The following CUBN variants were observed in gnomAD, a reference collection of about 807,000 sequenced individuals.
CUBN encodes the protein 460 kDa receptor.
A neutral mutation model predicts 405.3 loss-of-function variants in CUBN; 282 were observed. The ratio of observed to expected loss-of-function variants is 0.70; its 90% CI spans 0.63 to 0.77. The LOEUF (loss-of-function observed/expected upper bound fraction) is 0.77, where lower values mean the gene tolerates loss of function less well. CUBN is among the 30% of genes least tolerant of loss of function. CUBN has a pLI of 0.00. For missense variants in CUBN, 4,514 were observed against 4,475.2 expected (o/e 1.01, Z -0.25); for synonymous variants, 1,684 against 1,617.0 (o/e 1.04, Z -0.99).
At chr10:17,089,159 T>C (rs1267384065) in intron 14 of CUBN, among the ~76,000 whole-genome samples, 1 of 152,190 alleles carries the variant, frequency 6.6e-6, no homozygotes, top group Non-Finnish European at 1.5e-5. Context: ...ATGTGTAAGA[T>C]ATGAAATTTA....
intron 33 of CUBN, 56 bp from the exon 34 acceptor site, chr10:16,950,167 G>T: frequency 7.9e-7 from 1 of 1,267,922 alleles, no homozygotes. Flanking sequence ...AAACATACAG[G>T]GAGATGGGGC....
chr10:16,842,663 T>A (rs1257991719), intron 60 of CUBN, among the ~76,000 whole-genome samples: 5 of 152,242 alleles, frequency 3.3e-5, no homozygotes, highest in Non-Finnish European at 7.3e-5. Context: ...CATAGTGTTC[T>A]CCACTGAACT....
intron 36 of CUBN, among the ~76,000 whole-genome samples, chr10:16,943,929 T>TA (rs906084950): frequency 1.3e-5 from 2 of 152,176 alleles, no homozygotes; most frequent in Non-Finnish European, 2.9e-5. Flanking sequence ...AATTAAACTA[T>TA]AAAAAAAGCT....
chr10:17,046,907 C>T (rs1285756193), intron 23 of CUBN, among the ~76,000 whole-genome samples: 1 of 152,108 alleles, frequency 6.6e-6, no homozygotes, highest in Non-Finnish European at 1.5e-5. Flanking sequence ...ACTTTTTAAA[C>T]ACATTCTTTC....
Position 17,084,327 on chromosome 10 carries a change from T to A in CUBN, c.2245A>T (p.Asn749Tyr). 1 of 1,614,110 alleles carries A rather than the reference T, an allele frequency of 6.2e-7. No homozygotes were observed. Residue 749 changes from asparagine to tyrosine, a missense_variant, in exon 17 of 67, where the codon AAC becomes TAC. By Grantham distance (143) the Asn-to-Tyr change is moderately radical (BLOSUM62 -2). This residue lies in a region of CUBN where 1,448 missense variants were observed against 1,388.0 expected (regional missense o/e 1.04). Transcript: ENST00000377833. ...CATTGCAGCTCCACGTGGGTGAAGT[T>A]GATTTGTATTTGTTCTCCCTGGGGC... ...KQPQGEQIQI[N>Y]FTHVELQCQS...
chr10:17,075,269 A>G (rs1287014595), intron 17 of CUBN, among the ~76,000 whole-genome samples: 2 of 151,556 alleles, frequency 1.3e-5, no homozygotes, highest in South Asian at 2.1e-4. Context: ...TTTTTAGTAG[A>G]GATGGGGTTT....
At chr10:16,829,973 TCA>T (rs1378821827) in intron 65 of CUBN, among the ~76,000 whole-genome samples, 2 of 151,612 alleles carry the variant, frequency 1.3e-5, no homozygotes, top group Non-Finnish European at 2.9e-5. Flanking sequence ...TCTTGCTCCG[TCA>T]CCCAGGCTGG....
chr10:16,970,576 C>A (rs1003873881), intron 31 of CUBN, among the ~76,000 whole-genome samples: 158 of 121,504 alleles, frequency 1.3e-3, no homozygotes, highest in East Asian at 1.2e-3. Context: ...AACTCCATCT[C>A]AAAAAAAAAA....
rs1319794733 is a variant in CUBN at position 17,123,611 on chromosome 10, A to G, written c.466T>C (p.Cys156Arg). The G allele has an allele frequency of 6.2e-7, 1 of 1,611,282 alleles. No homozygotes were observed. The highest frequency in any genetic ancestry group is 1.7e-5 in the Admixed American group (1 of 59,974). The change falls in exon 5 of 67, where the codon TGT (cysteine) becomes CGT (arginine). Residue 156 changes from cysteine (C) to arginine (R), a missense_variant. By Grantham distance (180) the Cys-to-Arg change is radical (BLOSUM62 -3). Transcript: ENST00000377833. ...ACCTTCCACTGTGGGGGACAGATAC[A>G]AAAAAAGGAATCATGCAGATTGAGG... ...TCLNLHDSFF[C>R]ICPPQWKGPL...
At chr10:16,921,667 G>A (rs1842037088) in intron 43 of CUBN, among the ~76,000 whole-genome samples, 1 of 152,052 alleles carries the variant, frequency 6.6e-6, no homozygotes, top group South Asian at 2.1e-4. Flanking sequence ...TCTTCCTCTG[G>A]CCCTTGGGCG....
At chr10:17,084,780 A>C (rs899851397) in intron 16 of CUBN, among the ~76,000 whole-genome samples, 1 of 152,256 alleles carries the variant, frequency 6.6e-6, no homozygotes, top group Non-Finnish European at 1.5e-5. Flanking sequence ...GTTATTAAAA[A>C]CATGTAACAA....
intron 59 of CUBN, among the ~76,000 whole-genome samples, chr10:16,868,468 A>G (rs555517720): frequency 3.9e-5 from 6 of 152,300 alleles, no homozygotes; most frequent in East Asian, 1.9e-4. Flanking sequence ...AGAGTATGAG[A>G]TTTGTTTGGA....
intron 27 of CUBN, among the ~76,000 whole-genome samples, chr10:17,038,835 C>G (rs1834954098): frequency 1.3e-5 from 2 of 152,150 alleles, no homozygotes; most frequent in African/African-American, 4.8e-5. Flanking sequence ...TTTGGAAGGC[C>G]TTTCTGAACT....
chr10:17,052,851 C>T (rs1835305370), intron 22 of CUBN, among the ~76,000 whole-genome samples: 1 of 145,986 alleles, frequency 6.8e-6, no homozygotes, highest in Non-Finnish European at 1.5e-5. Flanking sequence ...ATTTATAACA[C>T]AGAGAGAAGT....
chr10:16,951,123 T>C (rs1456096609), intron 33 of CUBN, among the ~76,000 whole-genome samples: 1 of 152,250 alleles, frequency 6.6e-6, no homozygotes, highest in Non-Finnish European at 1.5e-5. Context: ...ATCTTTCATC[T>C]AAATGCTTTA....
chr10:17,058,796 C>T (rs1835446437), intron 22 of CUBN, among the ~76,000 whole-genome samples: 1 of 151,988 alleles, frequency 6.6e-6, no homozygotes, highest in African/African-American at 2.4e-5. Flanking sequence ...TTCAACAAAG[C>T]ACAAATGATT....
intron 45 of CUBN, 77 bp from the exon 46 acceptor site, chr10:16,916,107 T>G: frequency 7.0e-7 from 1 of 1,435,172 alleles, no homozygotes; most frequent in East Asian, 2.4e-5. Context: ...AAATTTTGTT[T>G]TCTTCATTTC....
At chr10:17,108,753 T>A (rs1836697934) in intron 10 of CUBN, among the ~76,000 whole-genome samples, 1 of 151,968 alleles carries the variant, frequency 6.6e-6, no homozygotes, top group African/African-American at 2.4e-5. Flanking sequence ...ACGTAAAAAT[T>A]CTAAACTTCT....
intron 31 of CUBN, among the ~76,000 whole-genome samples, chr10:16,964,323 GCTAA>G (rs1843325348): frequency 6.6e-6 from 1 of 152,070 alleles, no homozygotes; most frequent in Non-Finnish European, 1.5e-5. Context: ...ATAAAGCGTG[GCTAA>G]CTGAATTACA....
Sources: gnomAD v4.1 joint callset for allele counts (sites outside exome capture counted in the v4.1 genomes callset) on GRCh38, gnomAD v4.1.1 for gene constraint, gnomAD v4.1.1 regional missense constraint, MANE v1.5 for transcripts, NCBI Gene and HGNC (gene_info 2026-07-23, HGNC 2026-07-21) for gene names.